TBC1D19: variants seen among roughly 807,000 people sequenced by gnomAD.
TBC1D19 encodes the protein TBC1 domain family member 19, also known as TBC1 domain family, member 19.
A neutral mutation model predicts 89.0 loss-of-function variants in TBC1D19; 60 were observed. The ratio of observed to expected loss-of-function variants is 0.67; its 90% confidence interval spans 0.55 to 0.84. The LOEUF is 0.84. Among genes scored for constraint, TBC1D19 ranks in the 40% least tolerant of loss-of-function variants. The pLI is 0.00. For synonymous variants in TBC1D19, 189 were observed against 199.7 expected, an observed-to-expected ratio of 0.95 and a Z score of 0.45; for missense variants, 500 against 610.8, an observed-to-expected ratio of 0.82 and a Z score of 1.91.
the TBC1D19 span, among the ~76,000 whole-genome samples, chr4:26,815,563 G>A: frequency 6.1e-3 from 935 of 152,268 alleles, 9 homozygotes; most frequent in African/African-American, 0.021. Context: ...TACCAGGCTG[G>A]TGCCAAAACA....
chr4:26,627,898 C>A (rs1044980500), intron 4 of TBC1D19, among the ~76,000 whole-genome samples: 43 of 152,086 alleles, frequency 2.8e-4, no homozygotes, highest in Non-Finnish European at 5.7e-4. Context: ...TAATTAGATC[C>A]CATTTGTCAA....
chr4:26,773,174 G>C, the TBC1D19 span, among the ~76,000 whole-genome samples: 3 of 152,270 alleles, frequency 2.0e-5, no homozygotes, highest in Non-Finnish European at 4.4e-5. Context: ...GCATGAGATA[G>C]TATCTCATTG....
At chr4:26,629,713 AG>A (rs1224271150) in intron 4 of TBC1D19, among the ~76,000 whole-genome samples, 1 of 152,034 alleles carries the variant, frequency 6.6e-6, no homozygotes, top group African/African-American at 2.4e-5. Flanking sequence ...TGTTTCCAAA[AG>A]AAACAATGTT....
At chr4:26,607,176 A>C (rs1382968267) in intron 1 of TBC1D19, among the ~76,000 whole-genome samples, 8 of 152,158 alleles carry the variant, frequency 5.3e-5, no homozygotes, top group Non-Finnish European at 1.0e-4. Flanking sequence ...ACCCTCTCTC[A>C]CTAGATTATA....
At chr4:26,688,513 G>A in intron 13 of TBC1D19, 106 bp downstream of exon 13, 2 of 1,276,802 alleles carry the variant, frequency 1.6e-6, no homozygotes, top group East Asian at 3.3e-5. Flanking sequence ...GTAATCCATG[G>A]CATGCTTGTC....
chr4:26,801,037 T>C, the TBC1D19 span, among the ~76,000 whole-genome samples: 1 of 152,220 alleles, frequency 6.6e-6, no homozygotes, highest in Non-Finnish European at 1.5e-5. Flanking sequence ...CAATTTTGGC[T>C]TTTGTTGCCA....
At chr4:26,649,703 C>T (rs867462884) in intron 7 of TBC1D19, among the ~76,000 whole-genome samples, 5 of 151,576 alleles carry the variant, frequency 3.3e-5, no homozygotes, top group African/African-American at 7.3e-5. Context: ...AATATCTCAA[C>T]GTTCTAACTT....
chr4:26,731,403 G>T (rs933741950), intron 15 of TBC1D19, among the ~76,000 whole-genome samples: 1 of 151,948 alleles, frequency 6.6e-6, no homozygotes, highest in African/African-American at 2.4e-5. Flanking sequence ...GAGTTAAGTG[G>T]TCCTTATCCA....
intron 1 of TBC1D19, among the ~76,000 whole-genome samples, chr4:26,608,822 T>TG (rs931048586): frequency 3.3e-5 from 5 of 151,578 alleles, no homozygotes; most frequent in East Asian, 1.9e-4. Context: ...TTCCTTGTTT[T>TG]GGGGGGGAGG....
chr4:26,780,987 G>A, the TBC1D19 span, among the ~76,000 whole-genome samples: 1 of 152,178 alleles, frequency 6.6e-6, no homozygotes, highest in Non-Finnish European at 1.5e-5. Flanking sequence ...AATACTTAGG[G>A]CCTCTAGGAT....
At chr4:26,778,887 A>T in the TBC1D19 span, among the ~76,000 whole-genome samples, 1 of 152,118 alleles carries the variant, frequency 6.6e-6, no homozygotes, top group Non-Finnish European at 1.5e-5. Context: ...ATTTTATGGC[A>T]TACTGATATC....
chr4:26,657,443 C>T (rs1249998605), intron 7 of TBC1D19, among the ~76,000 whole-genome samples: 2 of 152,068 alleles, frequency 1.3e-5, no homozygotes, highest in Non-Finnish European at 2.9e-5. Context: ...ATGTAGTATT[C>T]CATGGTGTAT....
chr4:26,578,958 T>C (rs1739020651), intron 1 of TBC1D19, among the ~76,000 whole-genome samples: 1 of 152,244 alleles, frequency 6.6e-6, no homozygotes, highest in Non-Finnish European at 1.5e-5. Flanking sequence ...TTTTTTACAA[T>C]GACATTTGCA....
chr4:26,666,637 C>G (rs1052269643), intron 9 of TBC1D19, among the ~76,000 whole-genome samples: 1 of 151,896 alleles, frequency 6.6e-6, no homozygotes, highest in Non-Finnish European at 1.5e-5. Flanking sequence ...TTTGAAAAGT[C>G]ATTAGACATA....
chr4:26,603,946 C>T (rs1259247149), intron 1 of TBC1D19, among the ~76,000 whole-genome samples: 2 of 152,062 alleles, frequency 1.3e-5, no homozygotes, highest in Non-Finnish European at 2.9e-5. Context: ...ACTCTGTACC[C>T]ATAAATAATA....
the TBC1D19 span, among the ~76,000 whole-genome samples, chr4:26,842,340 C>CTTTTTTTTTTTTTTT: frequency 5.5e-4 from 45 of 81,594 alleles, no homozygotes; most frequent in Middle Eastern, 0.012. Context: ...CTTTTCTTTT[C>CTTTTTTTTTTTTTTT]TTTTTTTTTT....
chr4:26,614,373 A>T, intron 2 of TBC1D19, 35 bp from the exon 3 acceptor site: 1 of 1,368,760 alleles, frequency 7.3e-7, no homozygotes, highest in African/African-American at 1.5e-5. Flanking sequence ...AAAAACTAGT[A>T]TGTTCATATA....
intron 1 of TBC1D19, among the ~76,000 whole-genome samples, chr4:26,597,544 A>C (rs260949): frequency 7.9e-5 from 11 of 139,840 alleles, no homozygotes; most frequent in Admixed American, 6.9e-4. Context: ...TTTTTTTTTT[A>C]AGTAGAGACG....
At chr4:26,817,674 TATGGTATTCTAGGCTGGGC>T in the TBC1D19 span, among the ~76,000 whole-genome samples, 1 of 152,054 alleles carries the variant, frequency 6.6e-6, no homozygotes, top group African/African-American at 2.4e-5. Context: ...GGGTCTAAAA[TATGGTATTCTAGGCTGGGC>T]ATGGTGGCAT....
Sources: allele counts gnomAD v4.1 joint callset (sites outside exome capture counted in the v4.1 genomes callset), GRCh38; gene constraint gnomAD v4.1.1; transcripts MANE v1.5; gene names NCBI Gene and HGNC (gene_info 2026-07-23, HGNC 2026-07-21).